NAT1: variants seen among roughly 807,000 people sequenced by gnomAD.
NAT1 encodes the protein arylamine N-acetyltransferase 1.
For missense variants in NAT1, 400 were observed against 339.2 expected (o/e 1.18, Z -1.41); for synonymous variants, 144 against 122.6 (o/e 1.17, Z -1.16).
chr8:18,182,818 T>A (rs1026383465), intron 2 of NAT1, among the ~76,000 whole-genome samples: 37 of 152,324 alleles, frequency 2.4e-4, no homozygotes, highest in Middle Eastern at 3.4e-3. Flanking sequence ...AACATACTGA[T>A]AAACTTAGGA....
intron 2 of NAT1, among the ~76,000 whole-genome samples, chr8:18,187,690 T>A: frequency 6.6e-6 from 1 of 151,666 alleles, no homozygotes; most frequent in South Asian, 2.1e-4. Flanking sequence ...TAACACACAC[T>A]GGGGCCTACT....
intron 1 of NAT1, chr8:18,211,375 C>G (rs954092433): frequency 6.6e-6 from 1 of 152,116 alleles, no homozygotes; most frequent in African/African-American, 2.4e-5. Context: ...AATTAAGAAA[C>G]AAACAAACAA....
chr8:18,190,015 C>T (rs1401138996), intron 2 of NAT1, among the ~76,000 whole-genome samples: 1 of 152,282 alleles, frequency 6.6e-6, no homozygotes, highest in East Asian at 1.9e-4. Context: ...GTCTCGAACT[C>T]CTGACCACAA....
intron 2 of NAT1, among the ~76,000 whole-genome samples, chr8:18,178,588 T>A (rs1196317127): frequency 1.1e-4 from 16 of 152,260 alleles, no homozygotes; most frequent in Non-Finnish European, 5.9e-5. Context: ...GCTGAAGAGC[T>A]CATGAATCAA....
chr8:18,213,981 C>T (rs923336212), intron 1 of NAT1, among the ~76,000 whole-genome samples: 1 of 151,962 alleles, frequency 6.6e-6, no homozygotes, highest in African/African-American at 2.4e-5. Flanking sequence ...GCCTGGCTAA[C>T]TTTTTGTATT....
At chr8:18,174,089 G>C (rs938430111) in intron 2 of NAT1, among the ~76,000 whole-genome samples, 1 of 151,922 alleles carries the variant, frequency 6.6e-6, no homozygotes, top group African/African-American at 2.4e-5. Context: ...GGCGCCCTAG[G>C]GTCACTAAGA....
At chr8:18,221,887 G>A (rs113163154) in intron 2 of NAT1, 155 bp from the exon 3 acceptor site, 1 of 758,442 alleles carries the variant, frequency 1.3e-6, no homozygotes. Flanking sequence ...GAACTTATGT[G>A]TGTAAAAGGA....
At chr8:18,170,559 C>A (rs962371994) in intron 1 of NAT1, 6 of 152,206 alleles carry the variant, frequency 3.9e-5, no homozygotes, top group Admixed American at 3.9e-4. Flanking sequence ...TAGCTCACCT[C>A]ATCGGAGGTG....
At chr8:18,184,200 C>G (rs185324408) in intron 2 of NAT1, among the ~76,000 whole-genome samples, 3 of 152,328 alleles carry the variant, frequency 2.0e-5, no homozygotes, top group African/African-American at 7.2e-5. Flanking sequence ...CTCCTCAGCT[C>G]TGGCACTATG....
chr8:18,221,327 TA>T (rs201708883), intron 2 of NAT1, among the ~76,000 whole-genome samples: 2,495 of 146,296 alleles, frequency 0.017, 40 homozygotes, highest in Middle Eastern at 0.081. Context: ...TTTTTTTTTT[TA>T]AACCAACTAA....
intron 2 of NAT1, among the ~76,000 whole-genome samples, chr8:18,203,253 A>G (rs1367423539): frequency 3.3e-5 from 5 of 152,244 alleles, no homozygotes; most frequent in Non-Finnish European, 5.9e-5. Context: ...ATGCTGAAAT[A>G]AAATATGTCA....
upstream of NAT1, among the ~76,000 whole-genome samples, chr8:18,205,129 C>T (rs1480834080): frequency 3.3e-5 from 5 of 152,172 alleles, no homozygotes; most frequent in Non-Finnish European, 7.4e-5. Context: ...TTTCATAGTG[C>T]GGTTACAGCA....
chr8:18,201,927 A>G (rs753723982), intron 2 of NAT1, among the ~76,000 whole-genome samples: 1 of 152,224 alleles, frequency 6.6e-6, no homozygotes, highest in Non-Finnish European at 1.5e-5. Flanking sequence ...AATCTCATGA[A>G]TAAACAAGCT....
chr8:18,209,551 C>T (rs1803888287), upstream of NAT1, among the ~76,000 whole-genome samples: 1 of 152,134 alleles, frequency 6.6e-6, no homozygotes, highest in African/African-American at 2.4e-5. Flanking sequence ...AAATAAAAAA[C>T]ACCAGCATAA....
At chr8:18,185,163 A>C (rs1240014779) in intron 2 of NAT1, among the ~76,000 whole-genome samples, 3 of 152,218 alleles carry the variant, frequency 2.0e-5, no homozygotes, top group Non-Finnish European at 4.4e-5. Context: ...TACCGACATT[A>C]GATTAACTTC....
At chr8:18,170,612 C>T (rs1416804762) in intron 1 of NAT1, 1 of 152,174 alleles carries the variant, frequency 6.6e-6, no homozygotes, top group African/African-American at 2.4e-5. Context: ...CTGCTTGGTT[C>T]TAGAATCCTT....
At chr8:18,172,019 T>C (rs1049463096) in intron 2 of NAT1, among the ~76,000 whole-genome samples, 1 of 152,208 alleles carries the variant, frequency 6.6e-6, no homozygotes, top group Non-Finnish European at 1.5e-5. Flanking sequence ...GAAATTCTTC[T>C]TTTGTCTTCT....
intron 2 of NAT1, chr8:18,221,796 A>G (rs2117434873): frequency 2.6e-6 from 1 of 382,318 alleles, no homozygotes. Flanking sequence ...CATTTGACTC[A>G]TCATTTAATC....
chr8:18,197,567 T>C (rs1252829531), intron 2 of NAT1, among the ~76,000 whole-genome samples: 1 of 151,974 alleles, frequency 6.6e-6, no homozygotes, highest in Non-Finnish European at 1.5e-5. Context: ...CCAGTCGGAG[T>C]GTCAGTAGTG....
Sources: gnomAD v4.1 joint callset for allele counts (sites outside exome capture counted in the v4.1 genomes callset) on GRCh38, gnomAD v4.1.1 for gene constraint, MANE v1.5 for transcripts, NCBI Gene and HGNC (gene_info 2026-07-23, HGNC 2026-07-21) for gene names.